HSD17B6: variants seen among roughly 807,000 people sequenced by gnomAD.
HSD17B6 encodes the protein 17-beta-hydroxysteroid dehydrogenase type 6.
In HSD17B6, 16 loss-of-function variants were observed where a neutral mutation model predicts 26.4. The ratio of observed to expected loss-of-function variants is 0.61; its 90% confidence interval spans 0.41 to 0.92. The LOEUF is 0.92. Ranked by LOEUF, HSD17B6 falls within the 40% of genes least tolerant of loss-of-function variation. The pLI is 0.00. For synonymous variants in HSD17B6, 139 were observed against 153.0 expected (o/e 0.91, Z 0.68); for missense variants, 357 against 386.1 (o/e 0.92, Z 0.63).
chr12:56,776,556 C>T (rs567509143), intron 2 of HSD17B6, among the ~76,000 whole-genome samples: 1 of 152,250 alleles, frequency 6.6e-6, no homozygotes, highest in South Asian at 2.1e-4. Context: ...GATCCTCCAA[C>T]CTTGGCTTCC....
At chr12:56,780,772 C>T (rs998638735) in intron 2 of HSD17B6, among the ~76,000 whole-genome samples, 2 of 149,546 alleles carry the variant, frequency 1.3e-5, no homozygotes, top group African/African-American at 5.0e-5. Context: ...TGGGGTGAAC[C>T]CGGGGGGTGG....
intron 2 of HSD17B6, among the ~76,000 whole-genome samples, chr12:56,775,463 A>G (rs903418175): frequency 6.6e-6 from 1 of 152,154 alleles, no homozygotes; most frequent in Non-Finnish European, 1.5e-5. Flanking sequence ...GAATCTGATT[A>G]TCTTGGCTGC....
intron 3 of HSD17B6, 44 bp downstream of exon 3, chr12:56,782,276 T>G (rs998650366): frequency 6.3e-7 from 1 of 1,581,436 alleles, no homozygotes; most frequent in Admixed American, 1.7e-5. Context: ...CACTGAAATA[T>G]GTCTTAGGCA....
intron 1 of HSD17B6, among the ~76,000 whole-genome samples, chr12:56,769,284 T>G (rs1277881221): frequency 1.3e-5 from 2 of 151,988 alleles, no homozygotes. Context: ...GTATTTTTAG[T>G]AGAGATGGGG....
At chr12:56,784,281 C>T (rs895084748) in intron 3 of HSD17B6, among the ~76,000 whole-genome samples, 6 of 152,142 alleles carry the variant, frequency 3.9e-5, no homozygotes, top group Admixed American at 2.0e-4. Flanking sequence ...GGGTGGCAGC[C>T]GGGCAGAGGC....
chr12:56,783,067 C>A (rs1208698189), intron 3 of HSD17B6, among the ~76,000 whole-genome samples: 1 of 152,252 alleles, frequency 6.6e-6, no homozygotes, highest in Non-Finnish European at 1.5e-5. Context: ...GGCAACCATC[C>A]GATTTCTCAA....
chr12:56,786,462 C>G (rs964600096), intron 4 of HSD17B6, among the ~76,000 whole-genome samples: 2 of 152,156 alleles, frequency 1.3e-5, no homozygotes, highest in East Asian at 3.9e-4. Context: ...GTTGGCCATG[C>G]CGGTCTCGAA....
At chr12:56,766,782 G>A (rs1429962215) in intron 1 of HSD17B6, among the ~76,000 whole-genome samples, 2 of 152,136 alleles carry the variant, frequency 1.3e-5, no homozygotes, top group Non-Finnish European at 2.9e-5. Flanking sequence ...CTTGCATTTA[G>A]GGTAGAGAAG....
At chr12:56,764,068 C>CAAAAAAAAAAAAAA (rs71081400) in intron 1 of HSD17B6, among the ~76,000 whole-genome samples, 14 of 74,330 alleles carry the variant, frequency 1.9e-4, no homozygotes, top group Admixed American at 5.6e-4. Context: ...GACCGTGTCT[C>CAAAAAAAAAAAAAA]AAAAAAAAAA....
chr12:56,783,757 A>C (rs71462340), intron 3 of HSD17B6, among the ~76,000 whole-genome samples: 1 of 122,860 alleles, frequency 8.1e-6, no homozygotes, highest in African/African-American at 3.1e-5. Flanking sequence ...ACTTCCCAGT[A>C]GGGGCGGCCG....
At chr12:56,765,618 C>G (rs557355360) in intron 1 of HSD17B6, among the ~76,000 whole-genome samples, 1 of 151,906 alleles carries the variant, frequency 6.6e-6, no homozygotes, top group South Asian at 2.1e-4. Flanking sequence ...ACCCCCTCCC[C>G]CCACCGTGTC....
intron 1 of HSD17B6, among the ~76,000 whole-genome samples, chr12:56,768,206 G>C (rs1305702622): frequency 2.0e-5 from 3 of 152,070 alleles, no homozygotes. Flanking sequence ...TAAGAAAAAA[G>C]AATGTGCTAA....
Position 56,766,308 on chromosome 12 carries a change from G to A in HSD17B6, c.-20+2894G>A, listed in dbSNP as rs968611670. 1.5e-4 allele frequency among the ~76,000 whole-genome samples: 23 copies of A among 152,126 alleles called. No individual in the cohort carries two copies. In the South Asian group the frequency reaches 2.3e-3, roughly 15 times the overall value. The stretch of plus-strand genomic sequence containing the variant: ...TTTGGTGATCTCTTCACTGGGACGC[G>A]TGTGACAAAAGGTAGTCGGAATCAT... On this transcript the variant is annotated intron_variant, in intron 1 of 4. Coordinates refer to ENST00000322165, the MANE Select transcript of HSD17B6 (RefSeq NM_003725.4).
At chr12:56,779,722 G>A (rs908682257) in intron 2 of HSD17B6, among the ~76,000 whole-genome samples, 6 of 151,316 alleles carry the variant, frequency 4.0e-5, no homozygotes, top group African/African-American at 1.5e-4. Context: ...TGACATACAT[G>A]CTCTTGCTGC....
chr12:56,779,553 T>C (rs1314572748), intron 2 of HSD17B6, among the ~76,000 whole-genome samples: 1 of 152,230 alleles, frequency 6.6e-6, no homozygotes, highest in Admixed American at 6.5e-5. Context: ...TTCCACTTTT[T>C]CCACTACTAA....
intron 4 of HSD17B6, chr12:56,786,021 G>C (rs1954865800): frequency 1.1e-6 from 1 of 897,028 alleles, no homozygotes; most frequent in South Asian, 5.1e-5. Context: ...ATAGGTACAG[G>C]GTTTCTTTTT....
intron 1 of HSD17B6, among the ~76,000 whole-genome samples, chr12:56,769,530 C>T (rs990205718): frequency 1.2e-4 from 19 of 152,246 alleles, no homozygotes; most frequent in African/African-American, 3.4e-4. Flanking sequence ...GTTTTCTAGG[C>T]TCGACCTCAA....
At chr12:56,783,293 GGGGCGGCTGGCC>G (rs1954771782) in intron 3 of HSD17B6, among the ~76,000 whole-genome samples, 1 of 145,778 alleles carries the variant, frequency 6.9e-6, no homozygotes, top group Non-Finnish European at 1.5e-5. Flanking sequence ...CCTCCCGGAC[GGGGCGGCTGGCC>G]AGGCGGGGGG....
rs1040447946 is a variant in HSD17B6 at position 56,785,109 on chromosome 12, T to C, written c.736+93T>C. On this transcript the variant is annotated intron_variant, in intron 4 of 4. Coordinates refer to ENST00000322165, the MANE Select transcript of HSD17B6 (RefSeq NM_003725.4). The stretch of plus-strand genomic sequence containing the variant: ...GAAATAACTGAGACTGGGTAATTTA[T>C]AAAGAAAAGAGGTTTAATTGACTCA... 3.8e-6 allele frequency: 5 copies of C among 1,317,002 alleles called. No individual in the cohort carries two copies. In the Admixed American group the frequency reaches 1.2e-4, roughly 31 times the overall value. 81.6% of individuals were successfully genotyped at this position (1,317,002 alleles called of 1,614,324 possible).
Sources: allele counts gnomAD v4.1 joint callset (sites outside exome capture counted in the v4.1 genomes callset), GRCh38; gene constraint gnomAD v4.1.1; transcripts MANE v1.5; gene names NCBI Gene and HGNC (gene_info 2026-07-23, HGNC 2026-07-21).